The following PPP2R2C variants were observed in gnomAD, a reference collection of about 807,000 sequenced individuals.
PPP2R2C encodes the protein protein phosphatase 2 regulatory subunit Bgamma.
In PPP2R2C, 10 loss-of-function variants were observed where a neutral mutation model predicts 45.3. The observed-to-expected ratio is 0.22, with a 90% CI of 0.14 to 0.37. The LOEUF (loss-of-function observed/expected upper bound fraction) is 0.37. Ranked by LOEUF, PPP2R2C falls within the 10% of genes least tolerant of loss-of-function variation. The pLI is 1.00. For synonymous variants in PPP2R2C, 257 were observed against 245.4 expected (o/e 1.05, Z -0.44); for missense variants, 308 against 619.7 (o/e 0.50, Z 5.34).
chr4:6,490,729 G>C (rs1053664077), intron 2 of PPP2R2C, among the ~76,000 whole-genome samples: 1 of 152,170 alleles, frequency 6.6e-6, no homozygotes, highest in Non-Finnish European at 1.5e-5. Flanking sequence ...GGGAAGCTCT[G>C]CATCTCTCAA....
rs1560465868 is a variant in PPP2R2C, at chr4:6,347,843, T to TA, written c.790+2dup. 3.3e-6 allele frequency: 5 copies of TA among 1,513,518 alleles called. No homozygotes were observed. The highest frequency in any genetic ancestry group is 3.6e-6 in the Non-Finnish European group (4 of 1,119,562). The allele number at this position is 1,513,518 out of a possible 1,614,324, so 93.8% of individuals were successfully genotyped here. On this transcript the variant is annotated splice_region_variant and intron_variant, in intron 6 of 8. Coordinates refer to ENST00000382599, the MANE Select transcript of PPP2R2C (RefSeq NM_020416.4). ...CCCCCCACCCCCAGGCACCGGCACTTACGCTTGGAATGCTTGTCACACAGG... is the reference window on the plus strand; with the variant it reads ...CCCCCCACCCCCAGGCACCGGCACTTAACGCTTGGAATGCTTGTCACACAGG...
intron 1 of PPP2R2C, among the ~76,000 whole-genome samples, chr4:6,419,041 C>G (rs958431667): frequency 4.6e-5 from 7 of 152,168 alleles, no homozygotes; most frequent in African/African-American, 1.7e-4. Flanking sequence ...GTGAGGGTTC[C>G]CCTAGGGCAA....
chr4:6,538,356 C>T (rs973809247), intron 1 of PPP2R2C, among the ~76,000 whole-genome samples: 6 of 152,192 alleles, frequency 3.9e-5, no homozygotes, highest in Middle Eastern at 3.4e-3. Flanking sequence ...AGGTGCCCGC[C>T]GCCCATCTGC....
intron 6 of PPP2R2C, among the ~76,000 whole-genome samples, chr4:6,346,616 G>A (rs895798007): frequency 1.2e-4 from 18 of 152,196 alleles, no homozygotes; most frequent in Admixed American, 3.9e-4. Context: ...ATGGCTGAGC[G>A]TGACACACGG....
intron 1 of PPP2R2C, among the ~76,000 whole-genome samples, chr4:6,425,813 CTGTGTGTGTGTG>C (rs147253945): frequency 1.3e-5 from 2 of 148,458 alleles, no homozygotes; most frequent in East Asian, 2.0e-4. Flanking sequence ...CGATGCTTGG[CTGTGTGTGTGTG>C]TGTGTGTGTG....
chr4:6,372,328 G>T (rs1018436077), intron 5 of PPP2R2C, among the ~76,000 whole-genome samples, 195 bp downstream of exon 5: 1 of 152,212 alleles, frequency 6.6e-6, no homozygotes, highest in Non-Finnish European at 1.5e-5. Flanking sequence ...ACGACTTTGC[G>T]GTTTTCAGAA....
At chr4:6,420,763 C>A (rs1718905527) in intron 1 of PPP2R2C, among the ~76,000 whole-genome samples, 1 of 152,134 alleles carries the variant, frequency 6.6e-6, no homozygotes, top group Non-Finnish European at 1.5e-5. Context: ...GACAATGGAG[C>A]CATAGAGTTG....
chr4:6,454,544 T>C (rs1191188905), intron 1 of PPP2R2C, among the ~76,000 whole-genome samples: 1 of 152,134 alleles, frequency 6.6e-6, no homozygotes, highest in Non-Finnish European at 1.5e-5. Flanking sequence ...AGTGAGACCA[T>C]CTCAGTCCCC....
At chr4:6,389,853 A>T (rs1282586549) in intron 1 of PPP2R2C, among the ~76,000 whole-genome samples, 1 of 152,206 alleles carries the variant, frequency 6.6e-6, no homozygotes, top group African/African-American at 2.4e-5. Flanking sequence ...TAGTAAGGGC[A>T]GGGGAGAGAT....
chr4:6,376,254 C>G (rs1715292197), intron 3 of PPP2R2C, among the ~76,000 whole-genome samples: 1 of 152,138 alleles, frequency 6.6e-6, no homozygotes, highest in Non-Finnish European at 1.5e-5. Flanking sequence ...ACAAATAGCA[C>G]CATGTTGATG....
At chr4:6,416,729 C>G (rs1400363396) in intron 1 of PPP2R2C, among the ~76,000 whole-genome samples, 1 of 152,226 alleles carries the variant, frequency 6.6e-6, no homozygotes, top group Admixed American at 6.5e-5. Context: ...GCACTGGGCT[C>G]TGAGTCCAGA....
chr4:6,389,407 C>T (rs1201505449), intron 1 of PPP2R2C, among the ~76,000 whole-genome samples: 1 of 152,188 alleles, frequency 6.6e-6, no homozygotes, highest in East Asian at 1.9e-4. Context: ...CCAGCTCGAG[C>T]CTTCTGATGA....
chr4:6,369,923 C>T (rs1438576612), intron 5 of PPP2R2C, among the ~76,000 whole-genome samples: 1 of 146,612 alleles, frequency 6.8e-6, no homozygotes, highest in Non-Finnish European at 1.5e-5. Context: ...AGTAGAAAGG[C>T]GTGGGGAATG....
intron 6 of PPP2R2C, among the ~76,000 whole-genome samples, chr4:6,334,164 T>C (rs1230539550): frequency 6.6e-6 from 1 of 152,202 alleles, no homozygotes; most frequent in African/African-American, 2.4e-5. Flanking sequence ...GCTCTGGCAC[T>C]AACTGGCCCT....
intron 1 of PPP2R2C, among the ~76,000 whole-genome samples, chr4:6,466,900 A>G (rs1389952603): frequency 6.6e-6 from 1 of 152,220 alleles, no homozygotes; most frequent in Admixed American, 6.5e-5. Flanking sequence ...CACATTGCTT[A>G]CAGCAGGGGC....
At chr4:6,435,996 G>A (rs939687733) in intron 1 of PPP2R2C, among the ~76,000 whole-genome samples, 14 of 152,280 alleles carry the variant, frequency 9.2e-5, no homozygotes, top group African/African-American at 3.1e-4. Flanking sequence ...AACTGATTAG[G>A]TCTTAGAGGG....
intron 2 of PPP2R2C, among the ~76,000 whole-genome samples, chr4:6,533,136 G>A (rs927504275): frequency 8.5e-5 from 13 of 152,192 alleles, no homozygotes; most frequent in African/African-American, 3.1e-4. Flanking sequence ...TTTCTAAAAG[G>A]TGGATGCTAT....
intron 1 of PPP2R2C, among the ~76,000 whole-genome samples, chr4:6,436,700 C>T (rs1485979885): frequency 8.5e-5 from 13 of 152,294 alleles, no homozygotes; most frequent in South Asian, 4.1e-4. Flanking sequence ...AGAATAAATA[C>T]AGGGCCACAC....
intron 5 of PPP2R2C, among the ~76,000 whole-genome samples, chr4:6,372,143 G>C (rs2075314282): frequency 1.3e-5 from 2 of 152,224 alleles, no homozygotes; most frequent in African/African-American, 4.8e-5. Context: ...CCTGCCTTGG[G>C]TCCCAGTGGG....
Sources: allele counts gnomAD v4.1 joint callset (sites outside exome capture counted in the v4.1 genomes callset), GRCh38; gene constraint gnomAD v4.1.1; transcripts MANE v1.5; gene names NCBI Gene and HGNC (gene_info 2026-07-23, HGNC 2026-07-21).